FMN1: variants seen among roughly 807,000 people sequenced by gnomAD.
FMN1 encodes formin 1, also known as formin-1.
A neutral mutation model predicts 132.4 loss-of-function variants in FMN1; 110 were observed. The observed-to-expected ratio is 0.83, with a 90% CI of 0.71 to 0.97. The LOEUF (loss-of-function observed/expected upper bound fraction) is 0.97, where lower values mean the gene tolerates loss of function less well. Ranked by LOEUF, FMN1 falls within the 50% of genes least tolerant of loss-of-function variation. The pLI is 0.00. For missense variants in FMN1, 1,792 were observed against 1,705.3 expected (o/e 1.05, Z -0.90); for synonymous variants, 722 against 651.7 (o/e 1.11, Z -1.64).
At position 32,969,387 on chromosome 15, in the gene FMN1, C is replaced by A. The variant is rs144234543; in HGVS notation, c.2314G>T (p.Glu772Ter). ...CCCCCTCGCCATCTGTGTTCTAGCT[C>A]GTGTTTCAGATTTTCAATGGTTTCT... ...LEETIENLKHELEHRWRGGCE... is the reference protein window; with the variant it reads ...LEETIENLKH Residue 772 changes from glutamate to a stop codon, truncating the protein, a stop_gained, in exon 8 of 21, where the codon GAG becomes TAG. Coordinates refer to ENST00000616417, the MANE Select transcript of FMN1 (RefSeq NM_001277313.2). LOFTEE classifies it high-confidence loss of function. 64 of 1,613,886 alleles carry A rather than the reference C, an allele frequency of 4.0e-5. No individual in the cohort carries two copies. Among genetic ancestry groups the A allele is most frequent in the Non-Finnish European group, 5.3e-5 (63 of 1,179,884 alleles).
At chr15:32,910,988 T>G (rs2060548018) in intron 10 of FMN1, among the ~76,000 whole-genome samples, 1 of 152,344 alleles carries the variant, frequency 6.6e-6, no homozygotes, top group East Asian at 1.9e-4. Flanking sequence ...GCATGTGATT[T>G]CAGGCACCTT....
chr15:32,859,385 A>T (rs2059211988), intron 16 of FMN1, among the ~76,000 whole-genome samples: 1 of 152,206 alleles, frequency 6.6e-6, no homozygotes, highest in South Asian at 2.1e-4. Context: ...TTGACTAACC[A>T]AACCAAAGCT....
intron 7 of FMN1, among the ~76,000 whole-genome samples, chr15:33,004,097 G>A (rs1355264731): frequency 2.0e-5 from 3 of 152,010 alleles, no homozygotes; most frequent in African/African-American, 7.2e-5. Flanking sequence ...AACCCTAGAA[G>A]AAAACCTAGG....
At chr15:32,805,001 T>A (rs910142886) in intron 17 of FMN1, among the ~76,000 whole-genome samples, 2 of 152,218 alleles carry the variant, frequency 1.3e-5, no homozygotes, top group African/African-American at 4.8e-5. Flanking sequence ...AGTAGCATGA[T>A]TTATAATCCT....
intron 10 of FMN1, among the ~76,000 whole-genome samples, chr15:32,911,188 C>T (rs1249419462): frequency 1.3e-5 from 2 of 152,196 alleles, no homozygotes; most frequent in Non-Finnish European, 2.9e-5. Context: ...AACTAATATG[C>T]TTATGATTTC....
intron 17 of FMN1, among the ~76,000 whole-genome samples, chr15:32,855,494 A>C (rs1375507905): frequency 6.6e-6 from 1 of 152,228 alleles, no homozygotes; most frequent in Non-Finnish European, 1.5e-5. Flanking sequence ...TGCTTTTCCA[A>C]GGTACCAAAG....
At chr15:33,081,887 C>T (rs1049905083) in intron 5 of FMN1, among the ~76,000 whole-genome samples, 1 of 152,126 alleles carries the variant, frequency 6.6e-6, no homozygotes, top group African/African-American at 2.4e-5. Context: ...TCATAAGATA[C>T]AATTACTTGG....
rs1254032934 is a variant in FMN1, at chr15:32,769,629, G to C, written c.*4681C>G. ...ATAACAGTTTCCAGGCAGCTGGATT[G>C]TTTCTCTCTATAGCTGGAAAATGGA... On this transcript the variant is annotated 3_prime_UTR_variant, in exon 21 of 21. Transcript: ENST00000616417. 6.6e-6 allele frequency: 1 copy of C among 151,530 alleles called. No homozygotes were observed. The highest frequency in any genetic ancestry group is 2.4e-5 in the African/African-American group (1 of 41,258). The allele number at this position is 151,530 out of a possible 1,614,324, so 9.4% of individuals were successfully genotyped here.
chr15:32,981,642 T>G, intron 7 of FMN1, among the ~76,000 whole-genome samples: 1 of 151,544 alleles, frequency 6.6e-6, no homozygotes, highest in Admixed American at 6.6e-5. Context: ...AAAAAGCATC[T>G]TAATGAAAAC....
chr15:33,157,646 G>GT (rs1317166973), intron 3 of FMN1, among the ~76,000 whole-genome samples: 1 of 151,280 alleles, frequency 6.6e-6, no homozygotes, highest in African/African-American at 2.4e-5. Flanking sequence ...TTGTTTTTTT[G>GT]TTAACTTGGT....
At chr15:33,022,199 G>A (rs2035449438) in intron 6 of FMN1, among the ~76,000 whole-genome samples, 1 of 152,142 alleles carries the variant, frequency 6.6e-6, no homozygotes, top group Non-Finnish European at 1.5e-5. Flanking sequence ...TTTGTATGAT[G>A]TTTTGGTATT....
intron 20 of FMN1, among the ~76,000 whole-genome samples, chr15:32,774,754 A>G (rs974005636): frequency 2.0e-4 from 31 of 151,978 alleles, no homozygotes; most frequent in African/African-American, 7.3e-4. Flanking sequence ...GAAAAAAAAA[A>G]TTACTATTTC....
At chr15:32,990,232 A>C (rs2033348707) in intron 7 of FMN1, among the ~76,000 whole-genome samples, 1 of 152,188 alleles carries the variant, frequency 6.6e-6, no homozygotes, top group Non-Finnish European at 1.5e-5. Flanking sequence ...ATAAAAGGTC[A>C]GGTGACTAAC....
chr15:33,029,858 A>T (rs1320118849), intron 6 of FMN1, among the ~76,000 whole-genome samples: 1 of 152,148 alleles, frequency 6.6e-6, no homozygotes, highest in African/African-American at 2.4e-5. Flanking sequence ...CAGGAATGTT[A>T]TAATTTATCT....
chr15:32,909,273 T>A (rs2060501294), intron 11 of FMN1, among the ~76,000 whole-genome samples: 1 of 152,198 alleles, frequency 6.6e-6, no homozygotes, highest in Non-Finnish European at 1.5e-5. Flanking sequence ...CTGAGGCTTG[T>A]ACTAAGCAAC....
chr15:32,965,456 ATTGT>A (rs2031119861), intron 8 of FMN1, among the ~76,000 whole-genome samples: 1 of 152,158 alleles, frequency 6.6e-6, no homozygotes, highest in Non-Finnish European at 1.5e-5. Flanking sequence ...CTATATACTT[ATTGT>A]TTATCAAACA....
intron 17 of FMN1, among the ~76,000 whole-genome samples, chr15:32,828,730 C>T (rs1239135038): frequency 3.3e-5 from 5 of 152,194 alleles, no homozygotes; most frequent in Non-Finnish European, 5.9e-5. Context: ...CCACTTGGCT[C>T]ATGTTCCCTC....
intron 3 of FMN1, among the ~76,000 whole-genome samples, chr15:33,162,398 AG>A (rs1964931688): frequency 6.6e-6 from 1 of 152,228 alleles, no homozygotes; most frequent in Non-Finnish European, 1.5e-5. Context: ...GAGACCTATA[AG>A]GTATCAAAGA....
chr15:32,789,478 T>C (rs1420736785), intron 19 of FMN1, among the ~76,000 whole-genome samples: 1 of 152,218 alleles, frequency 6.6e-6, no homozygotes, highest in Non-Finnish European at 1.5e-5. Flanking sequence ...CACTGCATAA[T>C]GACATTTCGG....
Sources: allele counts gnomAD v4.1 joint callset (sites outside exome capture counted in the v4.1 genomes callset), GRCh38; gene constraint gnomAD v4.1.1; transcripts MANE v1.5; gene names NCBI Gene and HGNC (gene_info 2026-07-23, HGNC 2026-07-21).